The following ARID4A variants were observed in gnomAD, a reference collection of about 807,000 sequenced individuals.
ARID4A encodes the protein AT-rich interactive domain-containing protein 4A.
Under a neutral mutation model 148.6 loss-of-function variants are expected in ARID4A, and 39 were observed. The ratio of observed to expected loss-of-function variants is 0.26; its 90% CI spans 0.20 to 0.34. ARID4A has a LOEUF of 0.34. Ranked by LOEUF, ARID4A falls within the 10% of genes least tolerant of loss-of-function variation. The pLI, the probability that ARID4A is intolerant of heterozygous loss-of-function variation, is 1.00. For missense variants in ARID4A, 1,265 were observed against 1,449.1 expected (o/e 0.87, Z 2.06); for synonymous variants, 475 against 481.2 (o/e 0.99, Z 0.17).
At chr14:58,313,281 T>C (rs915724604) in intron 5 of ARID4A, among the ~76,000 whole-genome samples, 109 of 152,136 alleles carry the variant, frequency 7.2e-4, no homozygotes, top group African/African-American at 2.6e-3. Flanking sequence ...GAGAGACAAT[T>C]TTTCCATGGA....
rs138279579 is a variant in ARID4A, at chr14:58,305,004, T to C, written c.178T>C (p.Leu60=). Residue 60 remains leucine (L), a synonymous_variant, in exon 4 of 24, where the codon TTA becomes CTA. Coordinates refer to ENST00000355431, the MANE Select transcript of ARID4A (RefSeq NM_002892.4). ...ACAAGATGACCAAGTAAAGGGTCCT[T>C]TAAGAGTATGTATGTTGTACGGTTT... ...LVQDDQVKGP[L]RVGAIVETRT... The C allele has an allele frequency of 3.1e-6, 5 of 1,605,350 alleles. No individual in the cohort carries two copies. Among genetic ancestry groups the C allele is most frequent in the Non-Finnish European group, 4.3e-6 (5 of 1,176,400 alleles).
chr14:58,331,995 A>AT (rs2033548157), intron 11 of ARID4A, among the ~76,000 whole-genome samples: 3 of 85,194 alleles, frequency 3.5e-5, no homozygotes, highest in African/African-American at 8.9e-5. Context: ...CATTTTCCCT[A>AT]CCCCCCCCCC....
chr14:58,364,907 A>G lies in ARID4A; in HGVS notation c.2818A>G (p.Ile940Val). 1 of 1,614,146 alleles carries G rather than the reference A, an allele frequency of 6.2e-7. No individual in the cohort carries two copies. The change falls in exon 20 of 24, where the codon ATT becomes GTT. Residue 940 changes from isoleucine (I) to valine (V), a missense_variant. Physicochemically the swap from Ile to Val is conservative, Grantham distance 29. This residue lies in a region of ARID4A where 666 missense variants were observed against 730.9 expected (regional missense o/e 0.91). Coordinates refer to ENST00000355431, the MANE Select transcript of ARID4A (RefSeq NM_002892.4). ...TAGTCCAGCTGAAGAAACTGTAAAT[A>G]TTCCACTAAAAGAAGATGAGGATGC... ...FDSPAEETVN[I>V]PLKEDEDAMP...
intron 7 of ARID4A, among the ~76,000 whole-genome samples, chr14:58,320,599 C>CTTTT (rs778275420): frequency 7.8e-6 from 1 of 127,602 alleles, no homozygotes; most frequent in African/African-American, 2.9e-5. Context: ...ATGACATTGA[C>CTTTT]TTTTTTTTTT....
At chr14:58,357,367 C>A (rs2140254311) in intron 17 of ARID4A, among the ~76,000 whole-genome samples, 1 of 152,282 alleles carries the variant, frequency 6.6e-6, no homozygotes, top group Middle Eastern at 3.4e-3. Context: ...AGTCATGGTA[C>A]CATGTCAACT....
chr14:58,310,818 C>CCAGAGAAAAAA (rs2031971290), intron 5 of ARID4A, among the ~76,000 whole-genome samples: 2 of 149,996 alleles, frequency 1.3e-5, no homozygotes. Context: ...GCAAAAGAAA[C>CCAGAGAAAAAA]AATCCAGAGA....
intron 17 of ARID4A, 22 bp from the exon 18 acceptor site, chr14:58,359,110 T>C (rs2035017488): frequency 1.6e-6 from 2 of 1,249,984 alleles, no homozygotes; most frequent in Non-Finnish European, 1.1e-6. Context: ...ACAAACTCTT[T>C]TTTTTTTTTT....
At chr14:58,311,637 C>T (rs2032041126) in intron 5 of ARID4A, among the ~76,000 whole-genome samples, 1 of 152,118 alleles carries the variant, frequency 6.6e-6, no homozygotes, top group South Asian at 2.1e-4. Context: ...TCTGTATTCC[C>T]ATGTTTATTG....
intron 5 of ARID4A, among the ~76,000 whole-genome samples, chr14:58,316,007 A>C (rs531044080): frequency 2.2e-4 from 33 of 152,356 alleles, no homozygotes; most frequent in African/African-American, 7.7e-4. Flanking sequence ...GATTGAAGTA[A>C]ATAAATATTT....
At chr14:58,359,499 A>G (rs564840830) in intron 18 of ARID4A, among the ~76,000 whole-genome samples, 1 of 152,210 alleles carries the variant, frequency 6.6e-6, no homozygotes, top group South Asian at 2.1e-4. Flanking sequence ...GGTGTTGTAT[A>G]TTCTGTAGGT....
intron 11 of ARID4A, among the ~76,000 whole-genome samples, chr14:58,343,357 C>G (rs2140224897): frequency 6.6e-6 from 1 of 152,302 alleles, no homozygotes; most frequent in East Asian, 1.9e-4. Context: ...TACTCCCTTT[C>G]TCTTGATTGC....
At chr14:58,359,955 A>G (rs2140260303) in intron 18 of ARID4A, among the ~76,000 whole-genome samples, 1 of 151,818 alleles carries the variant, frequency 6.6e-6, no homozygotes, top group South Asian at 2.1e-4. Context: ...AGTCCCAGCT[A>G]CTCGGGAGGC....
chr14:58,356,156 C>G (rs1472290099), intron 17 of ARID4A, among the ~76,000 whole-genome samples: 1 of 152,104 alleles, frequency 6.6e-6, no homozygotes, highest in Non-Finnish European at 1.5e-5. Context: ...TGGGACTATC[C>G]TTTGTTAGCA....
chr14:58,334,034 A>G lies in ARID4A; in HGVS notation c.906+3865A>G, dbSNP rs141751960. 3.6e-3 allele frequency among the ~76,000 whole-genome samples: 548 copies of G among 152,274 alleles called. 3 individuals carry two copies. Among genetic ancestry groups the G allele is most frequent in the African/African-American group, 0.013 (526 of 41,550 alleles). On this transcript the variant is annotated intron_variant, in intron 11 of 23. Transcript: ENST00000355431. ...TAAAGTTTAGCCCATTAAGCAAACAAAAATGCCCTTATGTATTTAGCAGAG... is the reference window on the plus strand; with the variant it reads ...TAAAGTTTAGCCCATTAAGCAAACAGAAATGCCCTTATGTATTTAGCAGAG...
At chr14:58,362,764 G>A (rs1235688385) in intron 19 of ARID4A, among the ~76,000 whole-genome samples, 3 of 152,022 alleles carry the variant, frequency 2.0e-5, no homozygotes, top group African/African-American at 7.2e-5. Flanking sequence ...TACTATGTTA[G>A]CCACGCTGGT....
intron 11 of ARID4A, among the ~76,000 whole-genome samples, chr14:58,334,160 A>G (rs2033678730): frequency 6.6e-6 from 1 of 152,176 alleles, no homozygotes; most frequent in African/African-American, 2.4e-5. Context: ...AGCTACATAC[A>G]GCTATATTTT....
At chr14:58,301,755 A>G in intron 3 of ARID4A, 65 bp downstream of exon 3, 1 of 1,188,798 alleles carries the variant, frequency 8.4e-7, no homozygotes, top group East Asian at 2.4e-5. Flanking sequence ...GGAGAGAGAG[A>G]CTGCAAATCA....
intron 11 of ARID4A, among the ~76,000 whole-genome samples, chr14:58,334,660 G>A (rs2033707470): frequency 6.6e-6 from 1 of 152,122 alleles, no homozygotes; most frequent in Non-Finnish European, 1.5e-5. Context: ...AAACCTGTTT[G>A]CCTGCTCTCT....
At chr14:58,321,112 A>G (rs1454002527) in intron 7 of ARID4A, among the ~76,000 whole-genome samples, 1 of 152,160 alleles carries the variant, frequency 6.6e-6, no homozygotes, top group Non-Finnish European at 1.5e-5. Context: ...GTGCCTGCCA[A>G]ATTTCTAAAC....
Sources: gnomAD v4.1 joint callset for allele counts (sites outside exome capture counted in the v4.1 genomes callset) on GRCh38, gnomAD v4.1.1 for gene constraint, gnomAD v4.1.1 regional missense constraint, MANE v1.5 for transcripts, NCBI Gene and HGNC (gene_info 2026-07-23, HGNC 2026-07-21) for gene names.